GPATCH1: variants seen among roughly 807,000 people sequenced by gnomAD.
The protein encoded by GPATCH1 is G-patch domain containing 1, also known as G patch domain-containing protein 1.
GPATCH1 carries 73 observed loss-of-function variants against 114.9 expected under a neutral mutation model. The ratio of observed to expected loss-of-function variants is 0.64; its 90% CI spans 0.53 to 0.77. The LOEUF (loss-of-function observed/expected upper bound fraction) is 0.77. Ranked by LOEUF, GPATCH1 falls within the 30% of genes least tolerant of loss-of-function variation. The pLI is 0.00. For missense variants in GPATCH1, 1,058 were observed against 1,144.3 expected, an observed-to-expected ratio of 0.92 and a Z score of 1.09; for synonymous variants, 391 against 428.4, an observed-to-expected ratio of 0.91 and a Z score of 1.08.
At chr19:33,120,286 AT>A (rs1326545956) in intron 17 of GPATCH1, among the ~76,000 whole-genome samples, 2 of 134,374 alleles carry the variant, frequency 1.5e-5, no homozygotes, top group Admixed American at 1.5e-4. Flanking sequence ...ATATATAAAA[AT>A]TATATATAAA....
In GPATCH1 at chr19:33,124,010, C is replaced by T. The variant is rs578239820; in HGVS notation, c.2522-1095C>T. 1.7e-4 allele frequency among the ~76,000 whole-genome samples: 26 copies of T among 152,086 alleles called. 1 individual carries two copies. The South Asian group carries it at 3.9e-3, about 23-fold the overall frequency. On this transcript the variant is annotated intron_variant, in intron 17 of 19. Coordinates refer to ENST00000170564, the MANE Select transcript of GPATCH1 (RefSeq NM_018025.3). ...TGGGGATTACAGATGCATGCCACCA[C>T]GCCCATCTAATTTTTGCATTTTTAA...
chr19:33,108,118 C>T (rs1352017118), intron 10 of GPATCH1, among the ~76,000 whole-genome samples: 1 of 152,090 alleles, frequency 6.6e-6, no homozygotes, highest in South Asian at 2.1e-4. Context: ...GGGTTCTGTC[C>T]ACTACTCATC....
At chr19:33,118,755 C>T (rs537562024) in intron 16 of GPATCH1, among the ~76,000 whole-genome samples, 5 of 152,284 alleles carry the variant, frequency 3.3e-5, no homozygotes, top group South Asian at 2.1e-4. Flanking sequence ...TACGTGCCCA[C>T]GGGTGCACTT....
At chr19:33,108,611 G>A (rs765428104) in intron 10 of GPATCH1, among the ~76,000 whole-genome samples, 5 of 151,518 alleles carry the variant, frequency 3.3e-5, no homozygotes, top group African/African-American at 4.9e-5. Context: ...CTACCAGCCC[G>A]CTCACACAAG....
intron 11 of GPATCH1, 39 bp downstream of exon 11, chr19:33,110,055 G>T: frequency 1.3e-6 from 2 of 1,530,894 alleles, no homozygotes; most frequent in South Asian, 2.5e-5. Context: ...CTCGGCCCGG[G>T]CGGGGTCATA....
chr19:33,128,483 A>G (rs937137082), intron 19 of GPATCH1, among the ~76,000 whole-genome samples: 2 of 152,100 alleles, frequency 1.3e-5, no homozygotes, highest in Non-Finnish European at 2.9e-5. Flanking sequence ...GATGGTCTCA[A>G]TCTCCTGACC....
chr19:33,128,834 A>C (rs1262400389), intron 19 of GPATCH1, among the ~76,000 whole-genome samples: 1 of 152,140 alleles, frequency 6.6e-6, no homozygotes, highest in African/African-American at 2.4e-5. Context: ...CGGTATGTTT[A>C]TCTCTTCTGT....
chr19:33,115,679 A>C (rs1464464591), intron 15 of GPATCH1, among the ~76,000 whole-genome samples: 1 of 151,502 alleles, frequency 6.6e-6, no homozygotes, highest in Non-Finnish European at 1.5e-5. Context: ...TTTTTAGTAG[A>C]GACGGGGTTT....
chr19:33,086,065 C>A (rs757304406), intron 1 of GPATCH1, among the ~76,000 whole-genome samples: 13 of 152,344 alleles, frequency 8.5e-5, no homozygotes, highest in Admixed American at 3.9e-4. Context: ...GCATAAGCTG[C>A]TGCTATAGGC....
chr19:33,112,688 A>T (rs903037927), intron 13 of GPATCH1, 75 bp downstream of exon 13: 10 of 1,156,214 alleles, frequency 8.6e-6, no homozygotes, highest in Non-Finnish European at 1.2e-5. Context: ...TTACATACTC[A>T]TATAAATTCT....
chr19:33,106,671 TG>T (rs748774170), intron 9 of GPATCH1, 23 bp from the exon 10 acceptor site: 1 of 1,581,426 alleles, frequency 6.3e-7, no homozygotes, highest in Non-Finnish European at 8.7e-7. Context: ...CTGTATTTTC[TG>T]GGTTTTGTCT....
In GPATCH1 at chr19:33,109,852, C is replaced by A; in HGVS notation, c.1421C>A (p.Ala474Asp). The A allele has an allele frequency of 6.2e-7, 1 of 1,614,106 alleles. No individual in the cohort carries two copies. Residue 474 changes from alanine (A) to aspartate (D), a missense_variant, in exon 11 of 20, where the codon GCC (alanine) becomes GAC (aspartate). Physicochemically the swap from Ala to Asp is moderately radical, Grantham distance 126 (BLOSUM62 -2). Coordinates refer to ENST00000170564, the MANE Select transcript of GPATCH1 (RefSeq NM_018025.3). ...GCCCAGAACGCTCAGAGCAGCAGAG[C>A]CCAGCTCTCCCCTGCAGCGGCTGCT... ...SLAQNAQSSR[A>D]QLSPAAAAGH...
intron 8 of GPATCH1, among the ~76,000 whole-genome samples, chr19:33,098,222 C>T (rs1010068190): frequency 1.3e-5 from 2 of 152,102 alleles, no homozygotes; most frequent in Non-Finnish European, 2.9e-5. Context: ...ACCCAGAGCT[C>T]GAGGAACTGG....
intron 8 of GPATCH1, among the ~76,000 whole-genome samples, chr19:33,100,579 T>G (rs1167087664): frequency 1.0e-5 from 1 of 97,630 alleles, no homozygotes; most frequent in Admixed American, 1.5e-4. Flanking sequence ...AGAGCGAGAC[T>G]CCATCTCAAA....
chr19:33,110,316 A>G (rs1346771076), intron 11 of GPATCH1, among the ~76,000 whole-genome samples: 3 of 152,234 alleles, frequency 2.0e-5, no homozygotes, highest in Admixed American at 6.5e-5. Context: ...TGCTACAAGC[A>G]TTGCATTCAC....
chr19:33,125,674 C>A, intron 18 of GPATCH1, among the ~76,000 whole-genome samples: 1 of 151,974 alleles, frequency 6.6e-6, no homozygotes, highest in East Asian at 1.9e-4. Flanking sequence ...CCATGCCCAG[C>A]CCTTAAAAAA....
At chr19:33,108,072 C>G (rs767320591) in intron 10 of GPATCH1, among the ~76,000 whole-genome samples, 1 of 152,050 alleles carries the variant, frequency 6.6e-6, no homozygotes, top group South Asian at 2.1e-4. Flanking sequence ...CTCCTTGGCC[C>G]TTAGTGAGTC....
intron 15 of GPATCH1, among the ~76,000 whole-genome samples, chr19:33,116,058 TA>T: frequency 6.6e-6 from 1 of 152,140 alleles, no homozygotes; most frequent in South Asian, 2.1e-4. Context: ...GTGATTGCTC[TA>T]GGGATTATAG....
At chr19:33,105,806 G>A (rs906735068) in intron 9 of GPATCH1, among the ~76,000 whole-genome samples, 1 of 151,876 alleles carries the variant, frequency 6.6e-6, no homozygotes, top group Non-Finnish European at 1.5e-5. Context: ...TTATAGGCAT[G>A]AGCCACTGTG....
Sources: gnomAD v4.1 joint callset for allele counts (sites outside exome capture counted in the v4.1 genomes callset) on GRCh38, gnomAD v4.1.1 for gene constraint, MANE v1.5 for transcripts, NCBI Gene and HGNC (gene_info 2026-07-23, HGNC 2026-07-21) for gene names.